SUMO3: variants seen among roughly 807,000 people sequenced by gnomAD.
SUMO3 encodes the protein small ubiquitin-related modifier 3.
A neutral mutation model predicts 11.1 loss-of-function variants in SUMO3; 2 were observed. The ratio of observed to expected loss-of-function variants is 0.18; its 90% CI spans 0.07 to 0.57. The LOEUF (loss-of-function observed/expected upper bound fraction) is 0.57. SUMO3 is among the 20% of genes least tolerant of loss of function. SUMO3 has a pLI of 0.92. For synonymous variants in SUMO3, 56 were observed against 53.5 expected (o/e 1.05, Z -0.20); for missense variants, 70 against 132.8 (o/e 0.53, Z 2.32).
intron 2 of SUMO3, 150 bp from the exon 3 acceptor site, chr21:44,809,268 T>C (rs2146420615): frequency 1.4e-6 from 1 of 721,642 alleles, no homozygotes; most frequent in Non-Finnish European, 2.3e-6. Context: ...ACCAAATATT[T>C]TAATCCAAGT....
chr21:44,817,276 G>A (rs2083251328), intron 1 of SUMO3, among the ~76,000 whole-genome samples: 1 of 148,020 alleles, frequency 6.8e-6, no homozygotes, highest in Admixed American at 6.7e-5. Flanking sequence ...ATGGGTGGGA[G>A]TAGGTGCACA....
At chr21:44,809,343 A>T (rs1291365594) in intron 2 of SUMO3, among the ~76,000 whole-genome samples, 1 of 152,226 alleles carries the variant, frequency 6.6e-6, no homozygotes, top group African/African-American at 2.4e-5. Flanking sequence ...GTGGGCCTAC[A>T]ATCTCTTTCA....
At chr21:44,815,584 G>A (rs1224393350) in intron 1 of SUMO3, among the ~76,000 whole-genome samples, 1 of 150,984 alleles carries the variant, frequency 6.6e-6, no homozygotes, top group Non-Finnish European at 1.5e-5. Context: ...CAGGCAGGAT[G>A]GAAGTGGGGA....
intron 3 of SUMO3, 81 bp downstream of exon 3, chr21:44,808,966 C>A (rs759104419): frequency 1.7e-6 from 2 of 1,186,868 alleles, no homozygotes; most frequent in South Asian, 2.5e-5. Context: ...ACCTACAATT[C>A]TCAAATAAGC....
At chr21:44,817,410 G>A (rs755522545) in intron 1 of SUMO3, among the ~76,000 whole-genome samples, 53 of 152,140 alleles carry the variant, frequency 3.5e-4, no homozygotes, top group Non-Finnish European at 7.1e-4. Context: ...CTGGAAGGAC[G>A]GCAGTGCTGC....
At chr21:44,813,340 C>T (rs2083223414) in intron 2 of SUMO3, among the ~76,000 whole-genome samples, 1 of 152,120 alleles carries the variant, frequency 6.6e-6, no homozygotes. Flanking sequence ...GAGAGGGACC[C>T]CCTGGCCCAG....
At chr21:44,817,918 C>G (rs890035392) in intron 1 of SUMO3, 30 bp downstream of exon 1, 2 of 977,050 alleles carry the variant, frequency 2.0e-6, no homozygotes, top group Admixed American at 1.5e-4. Context: ...CCGCGATAGA[C>G]GCGCGTGCAG....
In SUMO3 at chr21:44,814,024, C is replaced by T. The variant is rs758021811; in HGVS notation, c.102G>A (p.Lys34=). The T allele has an allele frequency of 7.4e-6, 12 of 1,613,686 alleles. No homozygotes were observed. In the East Asian group the frequency reaches 2.5e-4, roughly 33 times the overall value. ...QDGSVVQFKI[K]RHTPLSKLMK... ...TCAGCTTGCTCAGCGGCGTGTGCCT[C>T]TTGATCTTGAACTGCACCACGGAGC... The change falls in exon 2 of 4, where the codon AAG becomes AAA. Residue 34 remains lysine (K), a synonymous_variant. Transcript: ENST00000332859.
In SUMO3 at chr21:44,810,184, G is replaced by A. The variant is rs1317247093; in HGVS notation, c.151-1066C>T. On this transcript the variant is annotated intron_variant, in intron 2 of 3. Coordinates refer to ENST00000332859, the MANE Select transcript of SUMO3 (RefSeq NM_006936.3). This position sits in a 1 kb window ranked among gnomAD's most constrained non-coding sequence, Gnocchi z 4.1. ...GAAACAGGACAGACGGGGTTAAAACGTGCATCTCTGCTCCCTCCTGAAACC... is the reference window on the plus strand; with the variant it reads ...GAAACAGGACAGACGGGGTTAAAACATGCATCTCTGCTCCCTCCTGAAACC... Among the ~76,000 whole-genome samples the A allele has an allele frequency of 6.6e-6, 1 of 152,158 alleles. No individual in the cohort carries two copies. Among genetic ancestry groups the A allele is most frequent in the Non-Finnish European group, 1.5e-5 (1 of 68,024 alleles).
chr21:44,810,982 C>CCACA lies in SUMO3; in HGVS notation c.151-1865_151-1864insTGTG, dbSNP rs1483097130. ...CACACATGCACACCCATGCACACAC[C>CCACA]CATGCACACACCCACACATGCACAC... On this transcript the variant is annotated intron_variant, in intron 2 of 3. Transcript: ENST00000332859. The surrounding 1 kb of genome is among the most constrained non-coding windows in gnomAD (Gnocchi z 4.1). Among the ~76,000 whole-genome samples the CCACA allele has an allele frequency of 2.2e-5, 3 of 137,896 alleles. No individual in the cohort carries two copies. Among genetic ancestry groups the CCACA allele is most frequent in the African/African-American group, 8.3e-5 (3 of 35,940 alleles). 90.5% of individuals were successfully genotyped at this position (137,896 alleles called of 152,430 possible).
intron 1 of SUMO3, among the ~76,000 whole-genome samples, chr21:44,815,335 T>C (rs1448000979): frequency 6.6e-6 from 1 of 151,834 alleles, no homozygotes; most frequent in African/African-American, 2.4e-5. Context: ...GGAGCTAGAG[T>C]GGCCTGCAAG....
At position 44,811,255 on chromosome 21, in the gene SUMO3, ATAC is replaced by A. The variant is rs1041742655; in HGVS notation, c.151-2140_151-2138del. Among the ~76,000 whole-genome samples the A allele has an allele frequency of 2.2e-4, 34 of 152,322 alleles. No individual in the cohort carries two copies. Among genetic ancestry groups the A allele is most frequent in the African/African-American group, 8.2e-4 (34 of 41,570 alleles). On this transcript the variant is annotated intron_variant, in intron 2 of 3. Coordinates refer to ENST00000332859, the MANE Select transcript of SUMO3 (RefSeq NM_006936.3). This position sits in a 1 kb window ranked among gnomAD's most constrained non-coding sequence, Gnocchi z 5.0. ...ATTCAAATTCTATGGGAAGTAAAAA[ATAC>A]TACTACCTTCAGAAAACAATCAATT...
At chr21:44,815,438 C>A (rs902971237) in intron 1 of SUMO3, among the ~76,000 whole-genome samples, 2 of 152,186 alleles carry the variant, frequency 1.3e-5, no homozygotes, top group African/African-American at 2.4e-5. Context: ...GGCCAGACAC[C>A]CCTGCCCACT....
chr21:44,807,730 G>A lies in SUMO3; in HGVS notation c.223-690C>T, dbSNP rs1028864232. 6.6e-6 allele frequency among the ~76,000 whole-genome samples: 1 copy of A among 152,112 alleles called. No individual in the cohort carries two copies. Among genetic ancestry groups the A allele is most frequent in the Non-Finnish European group, 1.5e-5 (1 of 68,014 alleles). The stretch of plus-strand genomic sequence containing the variant: ...GGAAAGGAGTCCCATCAGGGCTGTC[G>A]GCCACCCTCACCCTGCCACCGACAC... On this transcript the variant is annotated intron_variant, in intron 3 of 3. Transcript: ENST00000332859. This position sits in a 1 kb window ranked among gnomAD's most constrained non-coding sequence, Gnocchi z 4.3.
intron 1 of SUMO3, among the ~76,000 whole-genome samples, chr21:44,817,163 G>A (rs1186613923): frequency 5.4e-5 from 8 of 147,004 alleles, no homozygotes; most frequent in Non-Finnish European, 1.1e-4. Flanking sequence ...CACACCATGG[G>A]GGGCGTGATG....
chr21:44,817,446 G>A (rs985255883), intron 1 of SUMO3, among the ~76,000 whole-genome samples: 2 of 152,052 alleles, frequency 1.3e-5, no homozygotes, highest in African/African-American at 4.8e-5. Context: ...CCCTCAGAGC[G>A]CGCCCCTTGG....
rs2083260428 is a variant in SUMO3, at chr21:44,818,044, G to A, written c.-76C>T. 3 of 1,115,638 alleles carry A rather than the reference G, an allele frequency of 2.7e-6. No homozygotes were observed. The highest frequency in any genetic ancestry group is 2.2e-6 in the Non-Finnish European group (2 of 899,022). The allele number at this position is 1,115,638 out of a possible 1,614,324, so 69.1% of individuals were successfully genotyped here. On this transcript the variant is annotated 5_prime_UTR_variant, in exon 1 of 4. Coordinates refer to ENST00000332859, the MANE Select transcript of SUMO3 (RefSeq NM_006936.3). ...GGCGAGTCACGCTCTCGGCCCCGCC[G>A]CTCTCCCGCCGCAACTGTGCGCGGG... is the stretch of plus-strand genomic sequence containing the variant.
At chr21:44,815,889 C>T (rs2083241103) in intron 1 of SUMO3, among the ~76,000 whole-genome samples, 2 of 152,226 alleles carry the variant, frequency 1.3e-5, no homozygotes, top group South Asian at 4.1e-4. Context: ...ACATGGGCCT[C>T]AGTTTGCTAC....
rs142164138 is a variant in SUMO3 at position 44,808,834 on chromosome 21, C to T, written c.222+213G>A. The stretch of plus-strand genomic sequence containing the variant: ...TGAGGACGGGCCCAGCACTTGGCTC[C>T]ATCTCCAAACAGCAAGAATGATGTC... On this transcript the variant is annotated intron_variant, in intron 3 of 3. Transcript: ENST00000332859. Among the ~76,000 whole-genome samples the T allele has an allele frequency of 6.6e-3, 999 of 152,296 alleles. 4 individuals are homozygous for T. Among genetic ancestry groups the T allele is most frequent in the South Asian group, 0.014 (67 of 4,832 alleles).
Sources: gnomAD v4.1 joint callset for allele counts (sites outside exome capture counted in the v4.1 genomes callset) on GRCh38, gnomAD v4.1.1 for gene constraint, Gnocchi (gnomAD v3.1) non-coding constraint, MANE v1.5 for transcripts, NCBI Gene and HGNC (gene_info 2026-07-23, HGNC 2026-07-21) for gene names.